The following KLF12 variants were observed in gnomAD, a reference collection of about 807,000 sequenced individuals.
KLF12 encodes Krueppel-like factor 12.
A neutral mutation model predicts 37.8 loss-of-function variants in KLF12; 9 were observed. The observed-to-expected ratio is 0.24, with a 90% CI of 0.14 to 0.42. KLF12 has a LOEUF of 0.42. Ranked by LOEUF, KLF12 falls within the 10% of genes least tolerant of loss-of-function variation. The probability of loss-of-function intolerance (pLI) is 1.00; values close to 1 mark genes in which losing one functional copy is unlikely to be tolerated. For missense variants in KLF12, 411 were observed against 516.0 expected (o/e 0.80, Z 1.97); for synonymous variants, 208 against 202.1 (o/e 1.03, Z -0.25).
the KLF12 span, among the ~76,000 whole-genome samples, chr13:74,171,116 G>C: frequency 6.6e-6 from 1 of 152,146 alleles, no homozygotes; most frequent in Admixed American, 6.5e-5. Context: ...TATAAAGCTC[G>C]TAATCGACAA....
At chr13:73,725,068 C>A (rs1876559927) in intron 6 of KLF12, among the ~76,000 whole-genome samples, 1 of 152,116 alleles carries the variant, frequency 6.6e-6, no homozygotes, top group South Asian at 2.1e-4. Context: ...AGATTTGAAA[C>A]ACAAAACTAC....
chr13:73,889,622 A>G (rs989907552), intron 3 of KLF12, among the ~76,000 whole-genome samples: 8 of 152,122 alleles, frequency 5.3e-5, no homozygotes, highest in African/African-American at 1.7e-4. Flanking sequence ...AAACTAAAAA[A>G]CTCATATTTT....
chr13:74,241,456 C>A, the KLF12 span, among the ~76,000 whole-genome samples: 184 of 152,334 alleles, frequency 1.2e-3, 1 homozygote, highest in African/African-American at 3.9e-3. Flanking sequence ...CCTCCTTGAG[C>A]TGTGGTGGGC....
At chr13:74,224,832 A>G in the KLF12 span, among the ~76,000 whole-genome samples, 1 of 152,212 alleles carries the variant, frequency 6.6e-6, no homozygotes, top group African/African-American at 2.4e-5. Context: ...TGTCAATTTA[A>G]CTTCATCAGG....
intron 4 of KLF12, among the ~76,000 whole-genome samples, chr13:73,816,654 T>G (rs989979912): frequency 6.6e-6 from 1 of 152,262 alleles, no homozygotes; most frequent in Non-Finnish European, 1.5e-5. Context: ...CATGCCCTGA[T>G]GTGGCCACTT....
the KLF12 span, among the ~76,000 whole-genome samples, chr13:74,140,145 C>T: frequency 6.6e-6 from 1 of 152,120 alleles, no homozygotes; most frequent in Non-Finnish European, 1.5e-5. Context: ...ATAGTTTCCT[C>T]TAAGTTGTGT....
intron 5 of KLF12, among the ~76,000 whole-genome samples, chr13:73,779,984 C>T (rs1011421397): frequency 2.0e-5 from 3 of 152,040 alleles, no homozygotes; most frequent in African/African-American, 7.2e-5. Context: ...AAAATATCAA[C>T]ATTAACTGGA....
At chr13:74,227,526 G>T in the KLF12 span, among the ~76,000 whole-genome samples, 3 of 151,890 alleles carry the variant, frequency 2.0e-5, no homozygotes, top group African/African-American at 7.3e-5. Context: ...ATTTTCAGTG[G>T]TGTATTCATT....
chr13:74,134,337 G>C (rs1409430571), upstream of KLF12, among the ~76,000 whole-genome samples: 1 of 151,950 alleles, frequency 6.6e-6, no homozygotes. Flanking sequence ...GCGCTAAGTC[G>C]CTTTATTGCC....
At chr13:74,256,947 C>T in the KLF12 span, 2 of 152,060 alleles carry the variant, frequency 1.3e-5, no homozygotes, top group Non-Finnish European at 2.9e-5. Flanking sequence ...TATTCCGTGA[C>T]ATCTTATCTA....
At chr13:73,926,630 C>CTT (rs58514840) in intron 3 of KLF12, among the ~76,000 whole-genome samples, 42 of 144,814 alleles carry the variant, frequency 2.9e-4, no homozygotes, top group African/African-American at 9.4e-4. Flanking sequence ...CTCTCTCTCT[C>CTT]TTTTTTTTTT....
chr13:73,830,144 A>T (rs1884074433), intron 4 of KLF12, among the ~76,000 whole-genome samples: 1 of 152,220 alleles, frequency 6.6e-6, no homozygotes, highest in African/African-American at 2.4e-5. Context: ...TATCTTGATT[A>T]CTGTAGATTA....
Position 73,694,363 on chromosome 13 carries a change from G to C in KLF12, c.*1127C>G, listed in dbSNP as rs937858477. On this transcript the variant is annotated 3_prime_UTR_variant, in exon 8 of 8. Transcript: ENST00000377669. ...ACAGCAGAAAGATTACCTCAGTGCT[G>C]TAAATGGAACCAAGACACCTAAAAT... The C allele has an allele frequency of 1.3e-5, 2 of 152,652 alleles. No homozygotes were observed. Among genetic ancestry groups the C allele is most frequent in the African/African-American group, 2.4e-5 (1 of 41,450 alleles). The allele number at this position is 152,652 out of a possible 1,614,324, so 9.5% of individuals were successfully genotyped here. A position where few individuals can be genotyped will look rare whatever the true frequency, so the allele number is the denominator to read the frequency against.
At chr13:73,763,793 C>T (rs975798431) in intron 6 of KLF12, among the ~76,000 whole-genome samples, 1 of 152,042 alleles carries the variant, frequency 6.6e-6, no homozygotes, top group Non-Finnish European at 1.5e-5. Context: ...GCTTTTCAGG[C>T]CGGACAGGGG....
At chr13:74,219,883 C>T in the KLF12 span, among the ~76,000 whole-genome samples, 3 of 152,134 alleles carry the variant, frequency 2.0e-5, no homozygotes, top group Non-Finnish European at 4.4e-5. Flanking sequence ...CAGTTGTGCT[C>T]AAATGTGTCC....
the KLF12 span, among the ~76,000 whole-genome samples, chr13:74,276,875 T>C: frequency 6.6e-6 from 1 of 152,218 alleles, no homozygotes; most frequent in Non-Finnish European, 1.5e-5. Context: ...TTGCTTGCAA[T>C]AGATGATTGG....
In KLF12 at chr13:73,744,686, C is replaced by G. The variant is rs567951775; in HGVS notation, c.869+20252G>C. ...CAGGTAGGTAGACACTGAGGAGCAA[C>G]GCAGGGAAGGAAAGCCTGCTGCCTA... On this transcript the variant is annotated intron_variant, in intron 6 of 7. Transcript: ENST00000377669. Among the ~76,000 whole-genome samples the G allele has an allele frequency of 2.0e-5, 3 of 152,204 alleles. No homozygotes were observed. The East Asian group carries it at 5.8e-4, about 29-fold the overall frequency.
At chr13:73,759,843 AT>A (rs1879432426) in intron 6 of KLF12, among the ~76,000 whole-genome samples, 1 of 152,162 alleles carries the variant, frequency 6.6e-6, no homozygotes, top group South Asian at 2.1e-4. Context: ...ACTGTTCTAC[AT>A]TAGATTTCTG....
At chr13:74,134,359 C>T (rs1329110382), upstream of KLF12, among the ~76,000 whole-genome samples, 1 of 151,744 alleles carries the variant, frequency 6.6e-6, no homozygotes, top group Non-Finnish European at 1.5e-5. Context: ...TAAAATGGGG[C>T]CCCCGAGCCG....
Sources: allele counts gnomAD v4.1 joint callset (sites outside exome capture counted in the v4.1 genomes callset), GRCh38; gene constraint gnomAD v4.1.1; transcripts MANE v1.5; gene names NCBI Gene and HGNC (gene_info 2026-07-23, HGNC 2026-07-21).